Variants in SH3RF3 observed in about 807,000 individuals in gnomAD.
The protein encoded by SH3RF3 is E3 ubiquitin-protein ligase SH3RF3.
SH3RF3 carries 29 observed loss-of-function variants against 66.3 expected under a neutral mutation model. That is an observed-to-expected ratio of 0.44 (90% CI 0.33 to 0.60). The LOEUF is 0.60. Ranked by LOEUF, SH3RF3 falls within the 20% of genes least tolerant of loss-of-function variation. The pLI is 0.04. For missense variants in SH3RF3, 1,194 were observed against 1,190.9 expected (o/e 1.00, Z -0.04); for synonymous variants, 583 against 532.0 (o/e 1.10, Z -1.32).
At chr2:109,199,613 G>GC (rs1678607312) in intron 1 of SH3RF3, among the ~76,000 whole-genome samples, 3 of 286 alleles carry the variant, frequency 0.01, no homozygotes, top group South Asian at 0.25. Flanking sequence ...GGAATGGAAT[G>GC]GAATGGAATG....
chr2:109,214,376 C>T (rs1225177435), intron 1 of SH3RF3, among the ~76,000 whole-genome samples: 2 of 151,244 alleles, frequency 1.3e-5, no homozygotes, highest in Non-Finnish European at 2.9e-5. Flanking sequence ...GCCGGGGCCA[C>T]GTGTGCTGTG....
At chr2:109,224,914 C>G (rs1418476226) in intron 1 of SH3RF3, among the ~76,000 whole-genome samples, 1 of 152,124 alleles carries the variant, frequency 6.6e-6, no homozygotes, top group Non-Finnish European at 1.5e-5. Flanking sequence ...AAATAATTAC[C>G]TGTGGCTAGT....
intron 1 of SH3RF3, among the ~76,000 whole-genome samples, chr2:109,142,042 CT>C (rs1676964178): frequency 8.9e-6 from 1 of 112,886 alleles, no homozygotes; most frequent in Non-Finnish European, 2.2e-5. Context: ...CTTGAGTCTC[CT>C]GGGGGGGGGG....
chr2:109,242,483 A>G (rs1432375309), intron 1 of SH3RF3, among the ~76,000 whole-genome samples: 1 of 152,158 alleles, frequency 6.6e-6, no homozygotes, highest in Non-Finnish European at 1.5e-5. Context: ...GAGCCGCCCC[A>G]GTGACACAGG....
chr2:109,206,362 G>A (rs1678838027), intron 1 of SH3RF3, among the ~76,000 whole-genome samples: 2 of 151,842 alleles, frequency 1.3e-5, no homozygotes, highest in African/African-American at 4.8e-5. Flanking sequence ...TTGGTGGAGG[G>A]CACCTGTAGT....
At chr2:109,470,033 G>GCGTCCTGT (rs1162682984) in intron 8 of SH3RF3, among the ~76,000 whole-genome samples, 4 of 152,150 alleles carry the variant, frequency 2.6e-5, no homozygotes, top group Non-Finnish European at 4.4e-5. Context: ...CACTCTTCGT[G>GCGTCCTGT]CGTCCTGTCT....
intron 8 of SH3RF3, among the ~76,000 whole-genome samples, chr2:109,476,899 A>G (rs182753250): frequency 3.9e-4 from 60 of 152,302 alleles, no homozygotes; most frequent in African/African-American, 1.3e-3. Flanking sequence ...GTAGATTGTC[A>G]TGGCGCTAAT....
chr2:109,403,973 T>C (rs1676383060), intron 4 of SH3RF3, among the ~76,000 whole-genome samples: 1 of 152,156 alleles, frequency 6.6e-6, no homozygotes. Flanking sequence ...CTGTGGTGGC[T>C]CTTTCTGCTG....
chr2:109,138,669 C>T (rs1441537433), intron 1 of SH3RF3, among the ~76,000 whole-genome samples: 1 of 152,234 alleles, frequency 6.6e-6, no homozygotes, highest in East Asian at 1.9e-4. Context: ...TGGGTCTGCA[C>T]ACCCTGCCTG....
At position 109,403,254 on chromosome 2, in the gene SH3RF3, G is replaced by A. The variant is rs573426788; in HGVS notation, c.1299+4311G>A. On this transcript the variant is annotated intron_variant, in intron 4 of 9. Coordinates refer to ENST00000309415, the MANE Select transcript of SH3RF3 (RefSeq NM_001099289.3). ...CGAGGCTGGCCTCCTCCCCGCAGCT[G>A]TTAGGGGTGCGTCTGTAGTTTGCCT... Among the ~76,000 whole-genome samples the A allele has an allele frequency of 4.6e-5, 7 of 152,334 alleles. No individual in the cohort carries two copies. The South Asian group carries it at 1.2e-3, about 27-fold the overall frequency.
At chr2:109,289,872 G>C (rs1343546616) in intron 1 of SH3RF3, among the ~76,000 whole-genome samples, 1 of 152,130 alleles carries the variant, frequency 6.6e-6, no homozygotes, top group Non-Finnish European at 1.5e-5. Context: ...GTATCGCATT[G>C]CGGGTTTGAA....
At chr2:109,195,196 G>A (rs951035252) in intron 1 of SH3RF3, among the ~76,000 whole-genome samples, 1 of 104,928 alleles carries the variant, frequency 9.5e-6, no homozygotes, top group Non-Finnish European at 2.0e-5. Flanking sequence ...TGGAGATGGG[G>A]CTAGGAGAGT....
intron 1 of SH3RF3, among the ~76,000 whole-genome samples, chr2:109,159,030 T>C (rs1677419736): frequency 1.3e-5 from 2 of 152,156 alleles, no homozygotes; most frequent in African/African-American, 4.8e-5. Context: ...GGCAGGAGAA[T>C]TGGTTGAACC....
At chr2:109,283,160 G>A (rs2105347227) in intron 1 of SH3RF3, among the ~76,000 whole-genome samples, 1 of 152,310 alleles carries the variant, frequency 6.6e-6, no homozygotes, top group African/African-American at 2.4e-5. Flanking sequence ...GCCCAGAAAT[G>A]CCTGTGATAG....
chr2:109,168,944 G>A (rs550881176), intron 1 of SH3RF3, among the ~76,000 whole-genome samples: 106 of 152,246 alleles, frequency 7.0e-4, no homozygotes, highest in African/African-American at 2.5e-3. Flanking sequence ...TCATCTTCTC[G>A]AGGGCTCAGT....
intron 8 of SH3RF3, among the ~76,000 whole-genome samples, chr2:109,489,435 G>A (rs959914313): frequency 6.6e-6 from 1 of 152,244 alleles, no homozygotes; most frequent in Non-Finnish European, 1.5e-5. Flanking sequence ...AGCGTGGCTT[G>A]GGCCTCACGG....
chr2:109,211,900 C>T (rs1401778772), intron 1 of SH3RF3, among the ~76,000 whole-genome samples: 1 of 152,212 alleles, frequency 6.6e-6, no homozygotes, highest in Non-Finnish European at 1.5e-5. Context: ...TCCTCGGCCT[C>T]CCAAAGTGCT....
chr2:109,246,450 G>A (rs1263412563), intron 1 of SH3RF3, among the ~76,000 whole-genome samples: 1 of 152,108 alleles, frequency 6.6e-6, no homozygotes, highest in African/African-American at 2.4e-5. Flanking sequence ...CTCCCCAAAG[G>A]CCTCAGCTCC....
At chr2:109,408,520 G>T (rs1159567394) in intron 4 of SH3RF3, among the ~76,000 whole-genome samples, 2 of 152,192 alleles carry the variant, frequency 1.3e-5, no homozygotes, top group Non-Finnish European at 2.9e-5. Flanking sequence ...TCCCACACGC[G>T]CTCACGCCCA....
Sources: allele counts gnomAD v4.1 joint callset (sites outside exome capture counted in the v4.1 genomes callset), GRCh38; gene constraint gnomAD v4.1.1; transcripts MANE v1.5; gene names NCBI Gene and HGNC (gene_info 2026-07-23, HGNC 2026-07-21).